SPAG16: variants seen among roughly 807,000 people sequenced by gnomAD.
SPAG16 encodes sperm-associated antigen 16 protein.
Under a neutral mutation model 80.4 loss-of-function variants are expected in SPAG16, and 86 were observed. The ratio of observed to expected loss-of-function variants is 1.07; its 90% CI spans 0.90 to 1.28. SPAG16 has a LOEUF of 1.28. Among genes scored for constraint, SPAG16 ranks in the 50% most tolerant of loss-of-function variants. The probability of loss-of-function intolerance (pLI) is 0.00; values close to 1 mark genes in which losing one functional copy is unlikely to be tolerated. For missense variants in SPAG16, 870 were observed against 765.3 expected, an observed-to-expected ratio of 1.14 and a Z score of -1.61; for synonymous variants, 294 against 265.9, an observed-to-expected ratio of 1.11 and a Z score of -1.03.
intron 13 of SPAG16, among the ~76,000 whole-genome samples, chr2:214,016,295 G>A (rs6721367): frequency 0.023 from 3,443 of 152,218 alleles, 139 homozygotes; most frequent in African/African-American, 0.078. Flanking sequence ...GCAAAGTCAC[G>A]TCATACATGG....
At chr2:213,909,990 G>A (rs929464039) in intron 11 of SPAG16, among the ~76,000 whole-genome samples, 1 of 152,098 alleles carries the variant, frequency 6.6e-6, no homozygotes, top group African/African-American at 2.4e-5. Context: ...TAAATTCTAA[G>A]TGTTTTTCTA....
At chr2:213,491,136 T>C (rs1324788959) in intron 10 of SPAG16, among the ~76,000 whole-genome samples, 1 of 152,212 alleles carries the variant, frequency 6.6e-6, no homozygotes, top group Non-Finnish European at 1.5e-5. Context: ...GGTGAATGAA[T>C]TGAAAAGGTC....
Position 214,149,241 on chromosome 2 carries a change from C to A in SPAG16, c.1695C>A (p.Gly565=). 1 of 1,580,964 alleles carries A rather than the reference C, an allele frequency of 6.3e-7. No individual in the cohort carries two copies. The highest frequency in any genetic ancestry group is 8.6e-7 in the Non-Finnish European group (1 of 1,163,794). Residue 565 remains glycine, a synonymous_variant, in exon 15 of 16, where the codon GGC becomes GGA. Coordinates refer to ENST00000331683, the MANE Select transcript of SPAG16 (RefSeq NM_024532.5). The part of the protein sequence containing the change: ...IVSIDIGPSP[G]NEVNFDSSGR... ...CCATCGATATAGGTCCAAGTCCTGGCAATGAGGTGAATTTTGATTCATCAG... is the reference window on the plus strand; with the variant it reads ...CCATCGATATAGGTCCAAGTCCTGGAAATGAGGTGAATTTTGATTCATCAG...
chr2:214,054,371 CAATT>C (rs753386729), intron 13 of SPAG16, among the ~76,000 whole-genome samples: 31 of 152,144 alleles, frequency 2.0e-4, no homozygotes, highest in Non-Finnish European at 4.0e-4. Context: ...TATAAAGTAA[CAATT>C]AAAATCTCAG....
At chr2:214,215,675 TC>T (rs200843906) in intron 15 of SPAG16, among the ~76,000 whole-genome samples, 2,042 of 152,302 alleles carry the variant, frequency 0.013, 19 homozygotes, top group Non-Finnish European at 0.02. Context: ...TGTAACTCTT[TC>T]CCGTACTGTT....
At chr2:213,623,600 T>C (rs546933121) in intron 10 of SPAG16, among the ~76,000 whole-genome samples, 65 of 152,144 alleles carry the variant, frequency 4.3e-4, no homozygotes, top group Non-Finnish European at 4.6e-4. Context: ...ATGATGTGCA[T>C]TGATTTGAAA....
chr2:214,151,496 A>C (rs1351011522), intron 15 of SPAG16, among the ~76,000 whole-genome samples: 1 of 152,126 alleles, frequency 6.6e-6, no homozygotes, highest in Non-Finnish European at 1.5e-5. Flanking sequence ...ATGAGAATAA[A>C]ATAAAATCTA....
intron 13 of SPAG16, among the ~76,000 whole-genome samples, chr2:214,103,189 T>G (rs1335114917): frequency 2.0e-5 from 3 of 152,146 alleles, no homozygotes; most frequent in African/African-American, 7.2e-5. Flanking sequence ...TGCATTCAAT[T>G]AACACTTTAA....
chr2:214,086,436 T>C (rs2051759360), intron 13 of SPAG16, among the ~76,000 whole-genome samples: 1 of 152,146 alleles, frequency 6.6e-6, no homozygotes, highest in Non-Finnish European at 1.5e-5. Context: ...CGAATTGTAA[T>C]CCCCATGTGT....
intron 14 of SPAG16, among the ~76,000 whole-genome samples, chr2:214,108,479 A>ACACC (rs71409874): frequency 0.06 from 3,104 of 52,094 alleles, 93 homozygotes; most frequent in South Asian, 0.21. Context: ...ACACACACAC[A>ACACC]CCCCCACACA....
At chr2:214,096,111 T>C (rs1275113588) in intron 13 of SPAG16, among the ~76,000 whole-genome samples, 2 of 152,042 alleles carry the variant, frequency 1.3e-5, no homozygotes, top group Admixed American at 6.6e-5. Flanking sequence ...TTCATTCTTA[T>C]TCCCTTTGGC....
chr2:213,766,223 G>A (rs1167664696), intron 10 of SPAG16, among the ~76,000 whole-genome samples: 1 of 152,134 alleles, frequency 6.6e-6, no homozygotes, highest in Non-Finnish European at 1.5e-5. Flanking sequence ...GTAGTTTAGT[G>A]GTTACCCTCA....
chr2:214,057,953 A>G (rs1362243557), intron 13 of SPAG16, among the ~76,000 whole-genome samples: 1 of 151,914 alleles, frequency 6.6e-6, no homozygotes, highest in African/African-American at 2.4e-5. Context: ...CAGCCTTCAT[A>G]GAACTGAAGA....
Position 214,078,533 on chromosome 2 carries a change from C to CA in SPAG16, c.1528-29642dup, listed in dbSNP as rs35101370. On this transcript the variant is annotated intron_variant, in intron 13 of 15. Coordinates refer to ENST00000331683, the MANE Select transcript of SPAG16 (RefSeq NM_024532.5). Reference sequence around the variant, plus strand: ...ATCACACCACTGTAAGAGCCTGTCTCAAAAAAAAAAAAAAAAAAAAATCTG... The same window carrying CA: ...ATCACACCACTGTAAGAGCCTGTCTCAAAAAAAAAAAAAAAAAAAAAATCTG... Among the ~76,000 whole-genome samples the CA allele has an allele frequency of 9.5e-3, 1,112 of 117,064 alleles. 24 individuals carry two copies. The East Asian group carries it at 0.13, about 13-fold the overall frequency. The allele number at this position is 117,064 out of a possible 152,430, so 76.8% of individuals were successfully genotyped here. A position where few individuals can be genotyped will look rare whatever the true frequency, so the allele number is the denominator to read the frequency against.
intron 15 of SPAG16, among the ~76,000 whole-genome samples, chr2:214,389,967 T>G (rs1700976487): frequency 6.6e-6 from 1 of 152,168 alleles, no homozygotes; most frequent in Admixed American, 6.5e-5. Context: ...GCACTTCAAA[T>G]TAACCTTGGA....
At chr2:214,230,091 G>A (rs1387364128) in intron 15 of SPAG16, among the ~76,000 whole-genome samples, 26 of 151,886 alleles carry the variant, frequency 1.7e-4, no homozygotes, top group Non-Finnish European at 1.5e-5. Flanking sequence ...AGTATGTGAA[G>A]CAATGAAAAT....
At chr2:213,471,913 G>A (rs1430642577) in intron 9 of SPAG16, among the ~76,000 whole-genome samples, 1 of 152,172 alleles carries the variant, frequency 6.6e-6, no homozygotes, top group Admixed American at 6.5e-5. Flanking sequence ...GGAATGTCTT[G>A]AAAGATCCCA....
At chr2:214,293,209 C>A (rs982742223) in intron 15 of SPAG16, among the ~76,000 whole-genome samples, 1 of 152,094 alleles carries the variant, frequency 6.6e-6, no homozygotes, top group Non-Finnish European at 1.5e-5. Context: ...GGCCTCTGGG[C>A]AGTGGTGTGG....
intron 15 of SPAG16, among the ~76,000 whole-genome samples, chr2:214,160,981 T>C (rs996806061): frequency 1.3e-5 from 2 of 152,140 alleles, no homozygotes; most frequent in African/African-American, 4.8e-5. Flanking sequence ...GAATGTCTTT[T>C]ATTAAATTGA....
Sources: allele counts gnomAD v4.1 joint callset (sites outside exome capture counted in the v4.1 genomes callset), GRCh38; gene constraint gnomAD v4.1.1; transcripts MANE v1.5; gene names NCBI Gene and HGNC (gene_info 2026-07-23, HGNC 2026-07-21).